Variants in PTPRT observed in about 807,000 individuals in gnomAD.
PTPRT encodes receptor-type tyrosine-protein phosphatase T.
PTPRT carries 56 observed loss-of-function variants against 176.8 expected under a neutral mutation model. That is an observed-to-expected ratio of 0.32 (90% CI 0.26 to 0.40). The LOEUF (loss-of-function observed/expected upper bound fraction) is 0.40. Among genes scored for constraint, PTPRT ranks in the 10% least tolerant of loss-of-function variants. The pLI is 1.00. For synonymous variants in PTPRT, 783 were observed against 739.0 expected (o/e 1.06, Z -0.96); for missense variants, 1,540 against 1,908.2 (o/e 0.81, Z 3.60).
chr20:43,181,280 G>A (rs1017046414), intron 1 of PTPRT, among the ~76,000 whole-genome samples: 1 of 152,212 alleles, frequency 6.6e-6, no homozygotes, highest in Admixed American at 6.5e-5. Context: ...ACAGATTCCT[G>A]AGCCAAAGAA....
intron 1 of PTPRT, among the ~76,000 whole-genome samples, chr20:42,988,811 G>T (rs1007227054): frequency 2.0e-5 from 3 of 152,180 alleles, no homozygotes; most frequent in Non-Finnish European, 4.4e-5. Flanking sequence ...AGGAATGAGG[G>T]CAACCATTCG....
chr20:42,652,744 A>C (rs2075055231), intron 7 of PTPRT, among the ~76,000 whole-genome samples: 1 of 152,062 alleles, frequency 6.6e-6, no homozygotes. Flanking sequence ...CACCTCCCCC[A>C]TCTTTGTGTC....
chr20:42,910,437 A>G lies in PTPRT; in HGVS notation c.89-24505T>C, dbSNP rs142387200. 5.3e-3 allele frequency among the ~76,000 whole-genome samples: 801 copies of G among 152,216 alleles called. 8 individuals carry two copies. Among genetic ancestry groups the G allele is most frequent in the African/African-American group, 0.018 (756 of 41,526 alleles). On this transcript the variant is annotated intron_variant, in intron 1 of 30. Coordinates refer to ENST00000373187, the MANE Select transcript of PTPRT (RefSeq NM_007050.6). ...CTTTATCATTTCCTATTTTGGGGGGAAAAACTATGTAAGATAGGGAAACTC... is the reference window on the plus strand; with the variant it reads ...CTTTATCATTTCCTATTTTGGGGGGGAAAACTATGTAAGATAGGGAAACTC...
intron 13 of PTPRT, among the ~76,000 whole-genome samples, chr20:42,258,384 C>T (rs1167084459): frequency 6.6e-6 from 1 of 152,170 alleles, no homozygotes; most frequent in Non-Finnish European, 1.5e-5. Context: ...TAAGTTCCCT[C>T]ATCCTTTTCA....
At chr20:42,105,106 A>G (rs1986312769) in intron 24 of PTPRT, among the ~76,000 whole-genome samples, 1 of 152,164 alleles carries the variant, frequency 6.6e-6, no homozygotes, top group Non-Finnish European at 1.5e-5. Flanking sequence ...TGTGGAAAGG[A>G]ACCCTCAAGC....
rs57290131 is a variant in PTPRT, at chr20:42,466,387, A to G, written c.1450+5879T>C. Among the ~76,000 whole-genome samples the G allele has an allele frequency of 5.2e-3, 793 of 152,310 alleles. 12 individuals carry two copies. The highest frequency in any genetic ancestry group is 0.018 in the African/African-American group (764 of 41,560). On this transcript the variant is annotated intron_variant, in intron 8 of 30. Transcript: ENST00000373187. ...CAAACCTTTAAATGGAAACAAATGA[A>G]CATAACTGGGTATCAAATTGATAAT...
rs577533995 is a variant in PTPRT at position 42,588,105 on chromosome 20, A to G, written c.1153+89761T>C. On this transcript the variant is annotated intron_variant, in intron 7 of 30. Coordinates refer to ENST00000373187, the MANE Select transcript of PTPRT (RefSeq NM_007050.6). ...AAGCCCTCCAGAGCTGTGCTGTCCTATACTGTGGCCACCAACCATATGGGG... is the reference window on the plus strand; with the variant it reads ...AAGCCCTCCAGAGCTGTGCTGTCCTGTACTGTGGCCACCAACCATATGGGG... 2.0e-5 allele frequency among the ~76,000 whole-genome samples: 3 copies of G among 152,270 alleles called. No individual in the cohort carries two copies. In the South Asian group the frequency reaches 6.2e-4, roughly 32 times the overall value.
intron 11 of PTPRT, among the ~76,000 whole-genome samples, chr20:42,343,877 C>T (rs1291741375): frequency 9.4e-6 from 1 of 105,992 alleles, no homozygotes; most frequent in Non-Finnish European, 2.5e-5. Context: ...TTTGCCTCAA[C>T]AGCTTGGCCA....
At chr20:42,647,765 T>C (rs2145956839) in intron 7 of PTPRT, among the ~76,000 whole-genome samples, 1 of 152,332 alleles carries the variant, frequency 6.6e-6, no homozygotes, top group Middle Eastern at 3.4e-3. Context: ...TGATACCGGC[T>C]GACGCTCATT....
At chr20:43,100,864 C>A (rs930034764) in intron 1 of PTPRT, among the ~76,000 whole-genome samples, 1 of 151,018 alleles carries the variant, frequency 6.6e-6, no homozygotes, top group East Asian at 1.9e-4. Context: ...TACACATAAA[C>A]GTGTCTATCA....
intron 9 of PTPRT, among the ~76,000 whole-genome samples, chr20:42,423,649 T>A (rs930182038): frequency 6.6e-6 from 1 of 152,186 alleles, no homozygotes; most frequent in African/African-American, 2.4e-5. Context: ...GGAAACTTAT[T>A]TGAAGGAAAT....
At chr20:42,629,970 C>T (rs1373119788) in intron 7 of PTPRT, among the ~76,000 whole-genome samples, 3 of 152,126 alleles carry the variant, frequency 2.0e-5, no homozygotes, top group Non-Finnish European at 2.9e-5. Context: ...AGTCTGCATC[C>T]CAACCCCTGA....
intron 17 of PTPRT, among the ~76,000 whole-genome samples, chr20:42,151,757 T>C (rs1487411644): frequency 6.6e-6 from 1 of 152,212 alleles, no homozygotes; most frequent in East Asian, 1.9e-4. Flanking sequence ...ATCCAGTTTC[T>C]TTTTTCTTAC....
chr20:42,591,394 C>T (rs1163426371), intron 7 of PTPRT, among the ~76,000 whole-genome samples: 1 of 152,150 alleles, frequency 6.6e-6, no homozygotes, highest in African/African-American at 2.4e-5. Flanking sequence ...CTTCTTGAAC[C>T]TCTTACAGAG....
intron 7 of PTPRT, among the ~76,000 whole-genome samples, chr20:42,589,413 G>C (rs1343646543): frequency 1.3e-5 from 2 of 152,144 alleles, no homozygotes; most frequent in Non-Finnish European, 2.9e-5. Flanking sequence ...TCTTCAATTT[G>C]TGTGCCAGTC....
At chr20:43,070,780 A>T (rs2011169483) in intron 1 of PTPRT, among the ~76,000 whole-genome samples, 1 of 151,738 alleles carries the variant, frequency 6.6e-6, no homozygotes, top group South Asian at 2.1e-4. Flanking sequence ...AACAATGAAA[A>T]CACTTGGACT....
chr20:42,637,571 C>T (rs931418576), intron 7 of PTPRT, among the ~76,000 whole-genome samples: 2 of 152,162 alleles, frequency 1.3e-5, no homozygotes, highest in Admixed American at 6.5e-5. Flanking sequence ...AACCATCCTA[C>T]TTAAAATCGC....
intron 13 of PTPRT, among the ~76,000 whole-genome samples, chr20:42,249,075 C>T (rs530764520): frequency 6.6e-6 from 1 of 152,282 alleles, no homozygotes; most frequent in South Asian, 2.1e-4. Context: ...CTTAGGTTCT[C>T]ACTTGGGCAA....
At chr20:42,169,241 C>T (rs10485686) in intron 16 of PTPRT, among the ~76,000 whole-genome samples, 2,125 of 152,106 alleles carry the variant, frequency 0.014, 23 homozygotes, top group Middle Eastern at 0.044. Flanking sequence ...TCTTTGTTTC[C>T]GAGACGCAGA....
Sources: gnomAD v4.1 joint callset for allele counts (sites outside exome capture counted in the v4.1 genomes callset) on GRCh38, gnomAD v4.1.1 for gene constraint, MANE v1.5 for transcripts, NCBI Gene and HGNC (gene_info 2026-07-23, HGNC 2026-07-21) for gene names.